The following ZBTB20 variants were observed in gnomAD, a reference collection of about 807,000 sequenced individuals.
ZBTB20 encodes the protein zinc finger and BTB domain-containing protein 20.
Under a neutral mutation model 56.9 loss-of-function variants are expected in ZBTB20, and 9 were observed. That is an observed-to-expected ratio of 0.16 (90% CI 0.10 to 0.28). The LOEUF is 0.28. Ranked by LOEUF, ZBTB20 falls within the 10% of genes least tolerant of loss-of-function variation. ZBTB20 has a pLI of 1.00. For missense variants in ZBTB20, 655 were observed against 1,003.0 expected, an observed-to-expected ratio of 0.65 and a Z score of 4.69; for synonymous variants, 417 against 420.7, an observed-to-expected ratio of 0.99 and a Z score of 0.11.
At chr3:114,689,322 T>A (rs1403563171) in intron 6 of ZBTB20, among the ~76,000 whole-genome samples, 1 of 152,178 alleles carries the variant, frequency 6.6e-6, no homozygotes, top group Non-Finnish European at 1.5e-5. Context: ...TTATCTTGCT[T>A]TTGTGACATG....
chr3:114,958,593 A>AT (rs2107957505), intron 3 of ZBTB20, among the ~76,000 whole-genome samples: 1 of 152,250 alleles, frequency 6.6e-6, no homozygotes, highest in East Asian at 1.9e-4. Flanking sequence ...GATGTCTGTA[A>AT]TCCCAGCACT....
At chr3:114,744,653 A>G (rs1389771679) in intron 5 of ZBTB20, among the ~76,000 whole-genome samples, 1 of 152,172 alleles carries the variant, frequency 6.6e-6, no homozygotes, top group Admixed American at 6.6e-5. Flanking sequence ...GAAATAACAT[A>G]AAGTGCTTAG....
At chr3:114,391,148 CT>C (rs1228290713) in intron 7 of ZBTB20, among the ~76,000 whole-genome samples, 3 of 152,302 alleles carry the variant, frequency 2.0e-5, no homozygotes, top group Non-Finnish European at 4.4e-5. Flanking sequence ...ACTGGTTTCA[CT>C]TTTCCAGTTT....
chr3:115,111,752 A>G (rs1316539071), intron 1 of ZBTB20, among the ~76,000 whole-genome samples: 1 of 152,212 alleles, frequency 6.6e-6, no homozygotes, highest in African/African-American at 2.4e-5. Context: ...AATAAATTAG[A>G]GAAGTTTTAG....
At chr3:115,137,232 T>C (rs943663871) in intron 1 of ZBTB20, among the ~76,000 whole-genome samples, 1 of 152,088 alleles carries the variant, frequency 6.6e-6, no homozygotes, top group Non-Finnish European at 1.5e-5. Context: ...TGCATTCAGA[T>C]GATACAGCTT....
At chr3:114,759,128 C>T (rs1381383061) in intron 5 of ZBTB20, 3 of 152,146 alleles carry the variant, frequency 2.0e-5, no homozygotes, top group Non-Finnish European at 2.9e-5. Context: ...CACAAAAAGT[C>T]TTTTCTCCAA....
chr3:115,096,748 A>C (rs1360052304), intron 1 of ZBTB20, among the ~76,000 whole-genome samples: 2 of 152,222 alleles, frequency 1.3e-5, no homozygotes, highest in African/African-American at 4.8e-5. Flanking sequence ...CAAGTCCATG[A>C]ACACATCCAC....
Position 115,139,053 on chromosome 3 carries a change from A to G in ZBTB20, c.-703+8166T>C, listed in dbSNP as rs190436650. On this transcript the variant is annotated intron_variant, in intron 1 of 11. Transcript: ENST00000675478. Reference sequence around the variant, plus strand: ...TGGGTCCAACAATTGATCTAAAATTATTCTTACAATTTCTCCTGATTAGCT... The same window carrying G: ...TGGGTCCAACAATTGATCTAAAATTGTTCTTACAATTTCTCCTGATTAGCT... 2.9e-3 allele frequency among the ~76,000 whole-genome samples: 446 copies of G among 152,178 alleles called. 3 individuals carry two copies. Among genetic ancestry groups the G allele is most frequent in the African/African-American group, 0.011 (438 of 41,554 alleles).
intron 3 of ZBTB20, among the ~76,000 whole-genome samples, chr3:114,944,416 A>G (rs2076820072): frequency 6.9e-6 from 1 of 145,574 alleles, no homozygotes; most frequent in Admixed American, 6.6e-5. Context: ...ATGAAAAACA[A>G]TATGAAGATT....
At chr3:114,524,091 C>T (rs368675412) in intron 6 of ZBTB20, among the ~76,000 whole-genome samples, 2 of 152,066 alleles carry the variant, frequency 1.3e-5, no homozygotes. Context: ...AAGGCGCATA[C>T]AAGGAAATGA....
chr3:114,713,577 A>G (rs971999607), intron 5 of ZBTB20, among the ~76,000 whole-genome samples: 3 of 152,142 alleles, frequency 2.0e-5, no homozygotes, highest in African/African-American at 4.8e-5. Flanking sequence ...GAACTCCAAA[A>G]TAGTAATTGG....
chr3:114,975,709 A>C (rs1190399177), intron 2 of ZBTB20, among the ~76,000 whole-genome samples: 1 of 152,198 alleles, frequency 6.6e-6, no homozygotes, highest in Non-Finnish European at 1.5e-5. Flanking sequence ...TGATGAAGAA[A>C]TAGGATGATT....
chr3:115,080,497 GAAGAA>G (rs1186057112), intron 1 of ZBTB20, among the ~76,000 whole-genome samples: 5 of 152,124 alleles, frequency 3.3e-5, no homozygotes, highest in Non-Finnish European at 7.4e-5. Context: ...AGAAAATATA[GAAGAA>G]AAGAGCCTGT....
intron 2 of ZBTB20, among the ~76,000 whole-genome samples, chr3:115,004,067 T>C (rs1292298277): frequency 6.6e-6 from 1 of 151,650 alleles, no homozygotes; most frequent in Non-Finnish European, 1.5e-5. Flanking sequence ...CTCTGATACT[T>C]TTCAAACCAC....
intron 6 of ZBTB20, among the ~76,000 whole-genome samples, chr3:114,501,223 G>A (rs1396077597): frequency 1.3e-5 from 2 of 152,154 alleles, no homozygotes; most frequent in African/African-American, 4.8e-5. Flanking sequence ...ACACAACTCT[G>A]TTTGGTGATG....
chr3:114,753,427 A>ATACACACG (rs2067755846), intron 5 of ZBTB20, among the ~76,000 whole-genome samples: 1 of 143,628 alleles, frequency 7.0e-6, no homozygotes, highest in African/African-American at 2.6e-5. Flanking sequence ...ATATATATAT[A>ATACACACG]TATATACACA....
intron 6 of ZBTB20, among the ~76,000 whole-genome samples, chr3:114,632,065 C>A (rs2058991061): frequency 6.6e-6 from 1 of 152,170 alleles, no homozygotes; most frequent in Non-Finnish European, 1.5e-5. Flanking sequence ...GTCAGGACCA[C>A]AGAACATCTT....
chr3:114,713,329 C>T (rs1704749784), intron 5 of ZBTB20, among the ~76,000 whole-genome samples: 1 of 152,044 alleles, frequency 6.6e-6, no homozygotes, highest in Admixed American at 6.6e-5. Context: ...GTGGTAATTC[C>T]CCGTAGAATT....
intron 4 of ZBTB20, among the ~76,000 whole-genome samples, chr3:114,887,352 A>C (rs2076639389): frequency 6.6e-6 from 1 of 152,196 alleles, no homozygotes; most frequent in African/African-American, 2.4e-5. Flanking sequence ...TTGAATGTTG[A>C]CTAGAGTCCC....
Sources: gnomAD v4.1 joint callset for allele counts (sites outside exome capture counted in the v4.1 genomes callset) on GRCh38, gnomAD v4.1.1 for gene constraint, MANE v1.5 for transcripts, NCBI Gene and HGNC (gene_info 2026-07-23, HGNC 2026-07-21) for gene names.